ABCC4: variants seen among roughly 807,000 people sequenced by gnomAD.
The protein encoded by ABCC4 is ATP-binding cassette sub-family C member 4.
Under a neutral mutation model 168.5 loss-of-function variants are expected in ABCC4, and 102 were observed. The observed-to-expected ratio is 0.61, with a 90% CI of 0.52 to 0.71. The LOEUF (loss-of-function observed/expected upper bound fraction) is 0.71. Among genes scored for constraint, ABCC4 ranks in the 30% least tolerant of loss-of-function variants. ABCC4 has a pLI of 0.00. For synonymous variants in ABCC4, 617 were observed against 590.7 expected, an observed-to-expected ratio of 1.04 and a Z score of -0.65; for missense variants, 1,402 against 1,605.8, an observed-to-expected ratio of 0.87 and a Z score of 2.17.
chr13:95,247,738 C>G lies in ABCC4; in HGVS notation c.90G>C (p.Leu30Phe). 1 of 1,613,918 alleles carries G rather than the reference C, an allele frequency of 6.2e-7. No individual in the cohort carries two copies. The highest frequency in any genetic ancestry group is 8.5e-7 in the Non-Finnish European group (1 of 1,179,884). The change falls in exon 2 of 31, where the codon TTG (leucine) becomes TTC (phenylalanine). Residue 30 changes from leucine (L) to phenylalanine (F), a missense_variant. Physicochemically the swap from Leu to Phe is conservative, Grantham distance 22. Around this residue, in one of 3 missense-constraint regions of ABCC4, gnomAD observed 317 missense variants for 345.5 expected, o/e 0.92. Coordinates refer to ENST00000645237, the MANE Select transcript of ABCC4 (RefSeq NM_005845.5). The stretch of plus-strand genomic sequence containing the variant: ...ATCTCCGTTTATGGCCAATTTTAAA[C>G]AAGGGATTGAGCCACCTGTTAACAA... ...SRVFFWWLNP[L>F]FKIGHKRRLE...
chr13:95,298,635 T>C (rs1016472709), intron 1 of ABCC4, among the ~76,000 whole-genome samples: 1 of 152,164 alleles, frequency 6.6e-6, no homozygotes, highest in Non-Finnish European at 1.5e-5. Context: ...ACTTTAAGAA[T>C]TTCCCTTGAG....
chr13:95,109,820 G>T (rs950468663), intron 20 of ABCC4, among the ~76,000 whole-genome samples: 15 of 152,150 alleles, frequency 9.9e-5, no homozygotes, highest in Non-Finnish European at 1.8e-4. Context: ...ATAGAAGAAG[G>T]GAATTCAATT....
intron 25 of ABCC4, among the ~76,000 whole-genome samples, chr13:95,068,489 G>T (rs1449630224): frequency 6.6e-6 from 1 of 151,806 alleles, no homozygotes; most frequent in Non-Finnish European, 1.5e-5. Flanking sequence ...GCCAGGCATG[G>T]CAGCGGGTGC....
At chr13:95,109,047 G>A (rs987588656) in intron 20 of ABCC4, among the ~76,000 whole-genome samples, 5 of 151,888 alleles carry the variant, frequency 3.3e-5, no homozygotes, top group East Asian at 3.9e-4. Flanking sequence ...GTTTATTGTC[G>A]ACCTCCTGCA....
At chr13:95,199,525 T>C (rs1457693037) in intron 8 of ABCC4, among the ~76,000 whole-genome samples, 3 of 152,190 alleles carry the variant, frequency 2.0e-5, no homozygotes, top group Non-Finnish European at 4.4e-5. Flanking sequence ...CATATTTCAG[T>C]GAACCCAGGT....
intron 1 of ABCC4, among the ~76,000 whole-genome samples, chr13:95,260,740 T>A (rs1233219382): frequency 6.6e-6 from 1 of 152,148 alleles, no homozygotes; most frequent in East Asian, 1.9e-4. Context: ...CTCAGAAAGT[T>A]GGACTTTATC....
intron 15 of ABCC4, 21 bp from the exon 16 acceptor site, chr13:95,164,539 TAA>T (rs1170093314): frequency 6.2e-7 from 1 of 1,613,624 alleles, no homozygotes; most frequent in Admixed American, 1.7e-5. Flanking sequence ...AAAAAGGTGG[TAA>T]GAGACAAAAC....
At chr13:95,193,341 C>T (rs1026600084) in intron 9 of ABCC4, among the ~76,000 whole-genome samples, 2 of 152,242 alleles carry the variant, frequency 1.3e-5, no homozygotes, top group African/African-American at 4.8e-5. Flanking sequence ...CTGTTTTAAG[C>T]AGCCTGAGCT....
chr13:95,295,707 G>C (rs1387237956), intron 1 of ABCC4, among the ~76,000 whole-genome samples: 1 of 151,816 alleles, frequency 6.6e-6, no homozygotes, highest in African/African-American at 2.4e-5. Flanking sequence ...GCTCATGCTT[G>C]TAATCCCAGC....
chr13:95,281,546 T>C (rs1158329539), intron 1 of ABCC4, among the ~76,000 whole-genome samples: 1 of 152,120 alleles, frequency 6.6e-6, no homozygotes, highest in African/African-American at 2.4e-5. Flanking sequence ...TATTCTGAAG[T>C]GTTTATGAAG....
At chr13:95,152,491 A>C (rs1036023332) in intron 19 of ABCC4, among the ~76,000 whole-genome samples, 3 of 152,180 alleles carry the variant, frequency 2.0e-5, no homozygotes, top group African/African-American at 7.2e-5. Flanking sequence ...CAAGAAGACA[A>C]GGGGAAAACA....
At chr13:95,049,900 A>C (rs949908382) in intron 27 of ABCC4, among the ~76,000 whole-genome samples, 15 of 152,130 alleles carry the variant, frequency 9.9e-5, no homozygotes, top group African/African-American at 3.1e-4. Flanking sequence ...TCTCAAGCCA[A>C]CCCTCTGAGT....
At chr13:95,150,396 T>G (rs2036635782) in intron 19 of ABCC4, among the ~76,000 whole-genome samples, 1 of 152,140 alleles carries the variant, frequency 6.6e-6, no homozygotes, top group Non-Finnish European at 1.5e-5. Context: ...AAAATGCAAA[T>G]GCAAACAAGA....
At chr13:95,301,112 G>A (rs961697848) in intron 1 of ABCC4, 129 bp downstream of exon 1, 10 of 852,312 alleles carry the variant, frequency 1.2e-5, no homozygotes, top group East Asian at 3.4e-5. Context: ...CGTGGACCGC[G>A]TGGCGTAGGA....
chr13:95,058,575 A>AG (rs2033154272), intron 26 of ABCC4, among the ~76,000 whole-genome samples: 1 of 62,206 alleles, frequency 1.6e-5, no homozygotes, highest in South Asian at 7.1e-4. Flanking sequence ...CTCAAAAAAA[A>AG]AAAAAAAAAA....
intron 27 of ABCC4, among the ~76,000 whole-genome samples, chr13:95,051,430 G>A (rs958546980): frequency 1.3e-5 from 2 of 152,004 alleles, no homozygotes; most frequent in African/African-American, 4.8e-5. Context: ...GTGCAGTGGT[G>A]CAATCATGGC....
intron 19 of ABCC4, among the ~76,000 whole-genome samples, chr13:95,156,662 T>C (rs751632394): frequency 7.9e-5 from 12 of 152,046 alleles, no homozygotes; most frequent in Admixed American, 1.3e-4. Context: ...AATCAAAATA[T>C]GAAGGAGGTG....
chr13:95,035,081 T>TA (rs2032061728), intron 29 of ABCC4, among the ~76,000 whole-genome samples: 1 of 152,180 alleles, frequency 6.6e-6, no homozygotes, highest in African/African-American at 2.4e-5. Flanking sequence ...CCTTGAGGGG[T>TA]ATTTATACAT....
chr13:95,047,573 A>G (rs1470056675), intron 27 of ABCC4, among the ~76,000 whole-genome samples: 10 of 132,296 alleles, frequency 7.6e-5, no homozygotes, highest in African/African-American at 2.9e-4. Context: ...TCTGCCTCCC[A>G]GGTTCAAGCG....
Sources: gnomAD v4.1 joint callset for allele counts (sites outside exome capture counted in the v4.1 genomes callset) on GRCh38, gnomAD v4.1.1 for gene constraint, gnomAD v4.1.1 regional missense constraint, MANE v1.5 for transcripts, NCBI Gene and HGNC (gene_info 2026-07-23, HGNC 2026-07-21) for gene names.